The following UBAC1 variants were observed in gnomAD, a reference collection of about 807,000 sequenced individuals.
UBAC1 encodes ubiquitin-associated domain-containing protein 1.
UBAC1 carries 27 observed loss-of-function variants against 45.9 expected under a neutral mutation model. The observed-to-expected ratio is 0.59, with a 90% CI of 0.43 to 0.81. The LOEUF (loss-of-function observed/expected upper bound fraction) is 0.81. Ranked by LOEUF, UBAC1 falls within the 30% of genes least tolerant of loss-of-function variation. UBAC1 has a pLI of 0.00. For synonymous variants in UBAC1, 227 were observed against 215.5 expected, an observed-to-expected ratio of 1.05 and a Z score of -0.47; for missense variants, 529 against 539.2, an observed-to-expected ratio of 0.98 and a Z score of 0.19.
intron 1 of UBAC1, among the ~76,000 whole-genome samples, chr9:135,959,663 G>A (rs1247187662): frequency 6.6e-6 from 1 of 152,022 alleles, no homozygotes; most frequent in Non-Finnish European, 1.5e-5. Context: ...GTGAGTTACC[G>A]TGCCCGGCCC....
rs1485194093 is a variant in UBAC1 at position 135,946,339 on chromosome 9, A to C, written c.474T>G (p.Ser158=). Reference sequence around the variant, plus strand: ...ACAGCTTCTGCGCCACCTCGATGAGAGACACCAGTATCTTCCGGAGTTCTG... The same window carrying C: ...ACAGCTTCTGCGCCACCTCGATGAGCGACACCAGTATCTTCCGGAGTTCTG... ...FQTELRKILV[S]LIEVAQKLLA... The change falls in exon 5 of 10, where the codon TCT becomes TCG. Residue 158 remains serine, a synonymous_variant. Coordinates refer to ENST00000371756, the MANE Select transcript of UBAC1 (RefSeq NM_016172.3). The C allele has an allele frequency of 3.7e-6, 6 of 1,613,968 alleles. No individual in the cohort carries two copies. The South Asian group carries it at 6.6e-5, about 18-fold the overall frequency.
chr9:135,961,000 G>C (rs1839529354), intron 1 of UBAC1, 25 bp downstream of exon 1: 1 of 1,515,206 alleles, frequency 6.6e-7, no homozygotes, highest in African/African-American at 1.4e-5. Flanking sequence ...GGGTGTTGGG[G>C]GCAGGGGAGG....
chr9:135,934,042 T>C (rs1457043907), intron 9 of UBAC1, among the ~76,000 whole-genome samples: 1 of 152,194 alleles, frequency 6.6e-6, no homozygotes, highest in African/African-American at 2.4e-5. Flanking sequence ...CAAAACTGTT[T>C]CCCCAAAACA....
chr9:135,936,534 C>T (rs546413610), intron 9 of UBAC1, among the ~76,000 whole-genome samples: 8 of 148,882 alleles, frequency 5.4e-5, no homozygotes, highest in South Asian at 4.2e-4. Context: ...CTTGCTCTGA[C>T]GCCCAGGCTA....
chr9:135,953,752 A>G lies in UBAC1; in HGVS notation c.261T>C (p.Asp87=). Residue 87 remains aspartate (D), a splice_region_variant and synonymous_variant, in exon 3 of 10, where the codon GAT becomes GAC. Transcript: ENST00000371756. The stretch of plus-strand genomic sequence containing the variant: ...CACGCTTTTTTATCAATAATAGGAC[A>G]TCTAGAAAAAACAACACGTATATCC... ...TILEENIQDQ[D]VLLLIKKRAP... is the part of the protein sequence containing the mutation. 6.2e-7 allele frequency: 1 copy of G among 1,613,562 alleles called. No homozygotes were observed. The highest frequency in any genetic ancestry group is 8.5e-7 in the Non-Finnish European group (1 of 1,179,616).
intron 4 of UBAC1, among the ~76,000 whole-genome samples, 168 bp from the exon 5 acceptor site, chr9:135,946,539 A>C (rs1406162440): frequency 6.6e-6 from 1 of 152,244 alleles, no homozygotes; most frequent in East Asian, 1.9e-4. Flanking sequence ...TGGCAGGGCC[A>C]AGAGCCTCCC....
rs775687453 is a variant in UBAC1, at chr9:135,946,391, G to C, written c.442-20C>G. 4.6e-6 allele frequency: 7 copies of C among 1,506,306 alleles called. No homozygotes were observed. The highest frequency in any genetic ancestry group is 1.7e-5 in the Admixed American group (1 of 59,878). The allele number at this position is 1,506,306 out of a possible 1,614,324, so 93.3% of individuals were successfully genotyped here. A position where few individuals can be genotyped will look rare whatever the true frequency, so the allele number is the denominator to read the frequency against. On this transcript the variant is annotated intron_variant, in intron 4 of 9. Coordinates refer to ENST00000371756, the MANE Select transcript of UBAC1 (RefSeq NM_016172.3). Reference sequence around the variant, plus strand: ...CTGGAACTGTGGTGAAAAAAAAGGAGATCAATTCTCTAAATGTCCACCAAA... The same window carrying C: ...CTGGAACTGTGGTGAAAAAAAAGGACATCAATTCTCTAAATGTCCACCAAA...
intron 3 of UBAC1, among the ~76,000 whole-genome samples, chr9:135,951,982 C>G (rs377363568): frequency 2.0e-5 from 3 of 152,162 alleles, no homozygotes; most frequent in Non-Finnish European, 4.4e-5. Flanking sequence ...GGTCAGACCC[C>G]GCTGTTTATA....
intron 6 of UBAC1, 65 bp from the exon 7 acceptor site, chr9:135,945,315 C>A: frequency 2.2e-6 from 3 of 1,383,060 alleles, no homozygotes; most frequent in Non-Finnish European, 2.9e-6. Context: ...GCCTCCTGTC[C>A]ATTCCCAAGA....
rs538943662 is a variant in UBAC1, at chr9:135,945,195, T to C, written c.709A>G (p.Ile237Val). The change falls in exon 7 of 10, where the codon ATA becomes GTA. Residue 237 changes from isoleucine to valine, a missense_variant. By Grantham distance (29) the Ile-to-Val change is conservative. Coordinates refer to ENST00000371756, the MANE Select transcript of UBAC1 (RefSeq NM_016172.3). ...GCTTGGCCAGGAAGAGGCGTGTCTA[T>C]GGTCGGGTCTTCTGCGTGTTCAATT... is the stretch of plus-strand genomic sequence containing the variant. ...WLIEHAEDPTIDTPLPGQAPP... is the reference protein window; with the variant it reads ...WLIEHAEDPTVDTPLPGQAPP... 1.1e-4 allele frequency: 181 copies of C among 1,612,176 alleles called. No individual in the cohort carries two copies. The South Asian group carries it at 1.9e-3, about 17-fold the overall frequency.
At chr9:135,939,986 G>A (rs112107476) in intron 7 of UBAC1, among the ~76,000 whole-genome samples, 10 of 152,322 alleles carry the variant, frequency 6.6e-5, no homozygotes, top group African/African-American at 2.4e-4. Context: ...TAGCAGAGCC[G>A]GGGGGCAGTG....
chr9:135,944,189 G>A (rs1247157465), intron 7 of UBAC1, among the ~76,000 whole-genome samples: 2 of 152,208 alleles, frequency 1.3e-5, no homozygotes, highest in East Asian at 1.9e-4. Flanking sequence ...GTGCAGGGAA[G>A]ACCTGAGCTG....
intron 7 of UBAC1, among the ~76,000 whole-genome samples, chr9:135,942,637 A>G (rs1161599471): frequency 6.8e-6 from 1 of 147,290 alleles, no homozygotes; most frequent in Non-Finnish European, 1.5e-5. Flanking sequence ...TGGGTGACAG[A>G]GTGAAACTGT....
Position 135,961,317 on chromosome 9 carries a change from C to G in UBAC1, c.-155G>C. On this transcript the variant is annotated 5_prime_UTR_variant, in exon 1 of 10. Coordinates refer to ENST00000371756, the MANE Select transcript of UBAC1 (RefSeq NM_016172.3). Reference sequence around the variant, plus strand: ...CCGTCGGCCGGGCCGCCGTCACTCTCCGCGGCCTCAGCGGTCGCCTCGCTC... The same window carrying G: ...CCGTCGGCCGGGCCGCCGTCACTCTGCGCGGCCTCAGCGGTCGCCTCGCTC... 1.9e-6 allele frequency: 1 copy of G among 527,672 alleles called. No homozygotes were observed. The highest frequency in any genetic ancestry group is 2.5e-6 in the Non-Finnish European group (1 of 405,164). The allele number at this position is 527,672 out of a possible 1,614,324, so 32.7% of individuals were successfully genotyped here. A position where few individuals can be genotyped will look rare whatever the true frequency, so the allele number is the denominator to read the frequency against.
chr9:135,943,274 G>C (rs1839290332), intron 7 of UBAC1, among the ~76,000 whole-genome samples: 1 of 152,114 alleles, frequency 6.6e-6, no homozygotes, highest in South Asian at 2.1e-4. Flanking sequence ...ACAAAAATTA[G>C]CTGGGCGTGG....
rs554503652 is a variant in UBAC1 at position 135,935,889 on chromosome 9, G to A, written c.1102+2333C>T. 2.5e-3 allele frequency among the ~76,000 whole-genome samples: 384 copies of A among 152,092 alleles called. 2 individuals are homozygous for A. The highest frequency in any genetic ancestry group is 4.3e-3 in the Non-Finnish European group (293 of 67,998). ...AAAATACAAAAAATTAGCCGGGCAC[G>A]GTGGCGGGCACCTGTAGTCCCAGCT... is the stretch of plus-strand genomic sequence containing the variant. On this transcript the variant is annotated intron_variant, in intron 9 of 9. Transcript: ENST00000371756.
chr9:135,951,983 G>A (rs983422146), intron 3 of UBAC1, among the ~76,000 whole-genome samples: 15 of 152,328 alleles, frequency 9.8e-5, no homozygotes, highest in East Asian at 1.9e-4. Flanking sequence ...GTCAGACCCC[G>A]CTGTTTATAT....
intron 4 of UBAC1, chr9:135,947,442 G>A (rs927283799): frequency 6.3e-5 from 12 of 189,686 alleles, no homozygotes; most frequent in African/African-American, 2.1e-4. Flanking sequence ...TAGTAGAGAC[G>A]GAGTTTCATC....
chr9:135,936,798 G>C (rs1222432461), intron 9 of UBAC1, among the ~76,000 whole-genome samples: 1 of 152,088 alleles, frequency 6.6e-6, no homozygotes, highest in Non-Finnish European at 1.5e-5. Context: ...CAGCCATGGA[G>C]GGTTTTCTTT....
Sources: allele counts gnomAD v4.1 joint callset (sites outside exome capture counted in the v4.1 genomes callset), GRCh38; gene constraint gnomAD v4.1.1; transcripts MANE v1.5; gene names NCBI Gene and HGNC (gene_info 2026-07-23, HGNC 2026-07-21).